FA2H: variants seen among roughly 807,000 people sequenced by gnomAD.
The protein encoded by FA2H is fatty acid alpha-hydroxylase.
FA2H carries 22 observed loss-of-function variants against 44.9 expected under a neutral mutation model. The observed-to-expected ratio is 0.49, with a 90% confidence interval of 0.35 to 0.70. FA2H has a LOEUF of 0.70. FA2H is among the 30% of genes least tolerant of loss of function. FA2H has a pLI of 0.01. For missense variants in FA2H, 501 were observed against 504.9 expected, an observed-to-expected ratio of 0.99 and a Z score of 0.07; for synonymous variants, 243 against 213.2, an observed-to-expected ratio of 1.14 and a Z score of -1.22.
chr16:74,753,749 C>A (rs972126774), intron 1 of FA2H, among the ~76,000 whole-genome samples: 21 of 152,186 alleles, frequency 1.4e-4, no homozygotes, highest in Admixed American at 1.3e-3. Context: ...CTCCATTTTT[C>A]TTCTGTCCTT....
chr16:74,750,455 T>C (rs1324922560), intron 1 of FA2H, among the ~76,000 whole-genome samples: 1 of 152,220 alleles, frequency 6.6e-6, no homozygotes, highest in Non-Finnish European at 1.5e-5. Flanking sequence ...AGAAAAATAT[T>C]GTTCTTGCCA....
chr16:74,773,931 G>C (rs1310063856), intron 1 of FA2H, among the ~76,000 whole-genome samples: 1 of 152,192 alleles, frequency 6.6e-6, no homozygotes, highest in Non-Finnish European at 1.5e-5. Flanking sequence ...GAGGTTGGAG[G>C]ACACAGTCCA....
chr16:74,740,490 C>CAT (rs1962271463), intron 1 of FA2H, among the ~76,000 whole-genome samples: 1 of 151,378 alleles, frequency 6.6e-6, no homozygotes, highest in Non-Finnish European at 1.5e-5. Flanking sequence ...CGTGGTGGTG[C>CAT]GCCCCTGTAA....
Position 74,740,120 on chromosome 16 carries a change from AAGG to A in FA2H, c.271-8_271-6del. The A allele has an allele frequency of 6.2e-7, 1 of 1,609,300 alleles. No individual in the cohort carries two copies. On this transcript the variant is annotated splice_region_variant and splice_polypyrimidine_tract_variant and intron_variant, in intron 1 of 6. Coordinates refer to ENST00000219368, the MANE Select transcript of FA2H (RefSeq NM_024306.5). ...AGGCTCGTTCTCCATGGAGCCCTGG[AAGG>A]AGAAGATACAAGAGGATTATACACA...
At chr16:74,737,354 T>C (rs901467662) in intron 2 of FA2H, among the ~76,000 whole-genome samples, 9 of 152,114 alleles carry the variant, frequency 5.9e-5, no homozygotes, top group Admixed American at 3.9e-4. Context: ...TCTTGTCCCA[T>C]AAGGAAGCCT....
intron 1 of FA2H, among the ~76,000 whole-genome samples, chr16:74,743,382 C>T (rs1183476709): frequency 6.6e-6 from 1 of 152,208 alleles, no homozygotes; most frequent in Non-Finnish European, 1.5e-5. Context: ...AGAAACAGCA[C>T]ATTGAAAGCT....
At chr16:74,740,242 T>C (rs1962265593) in intron 1 of FA2H, 127 bp from the exon 2 acceptor site, 1 of 754,924 alleles carries the variant, frequency 1.3e-6, no homozygotes, top group African/African-American at 1.7e-5. Flanking sequence ...GTGGTGGAGA[T>C]CAAGGACGCT....
At chr16:74,731,390 C>G (rs746953673) in intron 2 of FA2H, among the ~76,000 whole-genome samples, 1 of 151,858 alleles carries the variant, frequency 6.6e-6, no homozygotes, top group African/African-American at 2.4e-5. Context: ...TGATTCTACC[C>G]GCTTCCACCT....
At chr16:74,766,221 C>T (rs1439222674) in intron 1 of FA2H, among the ~76,000 whole-genome samples, 1 of 151,974 alleles carries the variant, frequency 6.6e-6, no homozygotes, top group African/African-American at 2.4e-5. Flanking sequence ...ATCACTTGAA[C>T]CTGGGAGGCA....
At chr16:74,750,459 C>G (rs1382546431) in intron 1 of FA2H, among the ~76,000 whole-genome samples, 1 of 152,142 alleles carries the variant, frequency 6.6e-6, no homozygotes, top group Non-Finnish European at 1.5e-5. Flanking sequence ...AAATATTGTT[C>G]TTGCCACTGT....
intron 4 of FA2H, among the ~76,000 whole-genome samples, chr16:74,723,465 T>C (rs547365394): frequency 6.6e-5 from 10 of 152,302 alleles, no homozygotes; most frequent in South Asian, 2.1e-4. Context: ...GACAGCTCCA[T>C]GTGGTTGTCC....
intron 1 of FA2H, among the ~76,000 whole-genome samples, chr16:74,765,531 C>A (rs1204689654): frequency 1.3e-5 from 2 of 152,188 alleles, no homozygotes; most frequent in Admixed American, 1.3e-4. Context: ...GTTTTCCAAG[C>A]AACTCATTCA....
intron 4 of FA2H, chr16:74,725,984 C>T: frequency 4.1e-6 from 2 of 493,004 alleles, no homozygotes; most frequent in Non-Finnish European, 3.7e-6. Flanking sequence ...TATTGCTATG[C>T]CACCCGATGA....
At chr16:74,739,755 T>C (rs896854966) in intron 2 of FA2H, among the ~76,000 whole-genome samples, 2 of 152,200 alleles carry the variant, frequency 1.3e-5, no homozygotes, top group Admixed American at 1.3e-4. Context: ...GGGAGAATTC[T>C]TCTTCTCCAG....
At position 74,713,944 on chromosome 16, in the gene FA2H, G is replaced by C. The variant is rs1444463902; in HGVS notation, c.*246C>G. 13 of 546,650 alleles carry C rather than the reference G, an allele frequency of 2.4e-5. No individual in the cohort carries two copies. Among genetic ancestry groups the C allele is most frequent in the Non-Finnish European group, 4.0e-5 (12 of 302,952 alleles). 33.9% of individuals were successfully genotyped at this position (546,650 alleles called of 1,614,324 possible). ...GTCCTGTGGGCTGAGCTCTAGGCAG[G>C]GACGCTCCAGGAAGAAGTGGGTCAC... On this transcript the variant is annotated 3_prime_UTR_variant, in exon 7 of 7. Transcript: ENST00000219368.
chr16:74,748,122 A>C (rs950229391), intron 1 of FA2H, among the ~76,000 whole-genome samples: 1 of 152,212 alleles, frequency 6.6e-6, no homozygotes, highest in Admixed American at 6.5e-5. Context: ...CAGGCATTCA[A>C]ATAGGTCCGT....
At chr16:74,764,327 A>C (rs929613112) in intron 1 of FA2H, among the ~76,000 whole-genome samples, 43 of 152,234 alleles carry the variant, frequency 2.8e-4, no homozygotes, top group Admixed American at 2.8e-3. Context: ...CCAAACGCCC[A>C]TCAATGGTAG....
At position 74,772,375 on chromosome 16, in the gene FA2H, C is replaced by G. The variant is rs115812329; in HGVS notation, c.270+2111G>C. On this transcript the variant is annotated intron_variant, in intron 1 of 6. Transcript: ENST00000219368. The stretch of plus-strand genomic sequence containing the variant: ...TGCTCCTCCCCTCTAGATCCGTACT[C>G]TGATACACCATTAATTAAGCAACTA... 6.3e-3 allele frequency among the ~76,000 whole-genome samples: 966 copies of G among 152,328 alleles called. 17 individuals are homozygous for G. Among genetic ancestry groups the G allele is most frequent in the African/African-American group, 0.022 (900 of 41,566 alleles).
intron 4 of FA2H, among the ~76,000 whole-genome samples, chr16:74,723,297 C>T (rs1961879437): frequency 6.6e-6 from 1 of 152,184 alleles, no homozygotes; most frequent in Non-Finnish European, 1.5e-5. Context: ...TCTCCTCTTC[C>T]CTGGATCTCC....
Sources: gnomAD v4.1 joint callset for allele counts (sites outside exome capture counted in the v4.1 genomes callset) on GRCh38, gnomAD v4.1.1 for gene constraint, MANE v1.5 for transcripts, NCBI Gene and HGNC (gene_info 2026-07-23, HGNC 2026-07-21) for gene names.